SYNE1: variants seen among roughly 807,000 people sequenced by gnomAD.
SYNE1 encodes nesprin-1.
In SYNE1, 616 loss-of-function variants were observed where a neutral mutation model predicts 1,111.0. That is an observed-to-expected ratio of 0.55 (90% confidence interval 0.52 to 0.59). The LOEUF is 0.59. Ranked by LOEUF, SYNE1 falls within the 20% of genes least tolerant of loss-of-function variation. The pLI is 0.00. For synonymous variants in SYNE1, 3,855 were observed against 3,825.8 expected, an observed-to-expected ratio of 1.01 and a Z score of -0.28; for missense variants, 10,006 against 10,417.0, an observed-to-expected ratio of 0.96 and a Z score of 1.72.
intron 54 of SYNE1, among the ~76,000 whole-genome samples, chr6:152,386,719 T>C (rs1461261348): frequency 6.6e-6 from 1 of 152,144 alleles, no homozygotes; most frequent in East Asian, 1.9e-4. Context: ...TAGACTTGCA[T>C]TTAATATAAC....
chr6:152,255,713 C>T lies in SYNE1; in HGVS notation c.19138G>A (p.Glu6380Lys), dbSNP rs758159968. 6 of 1,614,066 alleles carry T rather than the reference C, an allele frequency of 3.7e-6. No individual in the cohort carries two copies. The highest frequency in any genetic ancestry group is 2.7e-5 in the African/African-American group (2 of 74,934). The change falls in exon 103 of 146, where the codon GAG becomes AAG. Residue 6380 changes from glutamate (E) to lysine (K), a missense_variant. Glu to Lys is a moderately conservative substitution (Grantham distance 56). Around this residue, in one of 7 missense-constraint regions of SYNE1, gnomAD observed 2,182 missense variants for 2,287.8 expected, o/e 0.95. Transcript: ENST00000367255. ...GAGACTCCATCATACAACTTCTGCT[C>T]CAAGTGTATACTCTGCCTCTTTGCC... ...GGAKRQSIHL[E>K]QKLYDGVSAT...
Position 152,354,695 on chromosome 6 carries a change from G to A in SYNE1, c.10890C>T (p.Asn3630=). 3 of 1,614,222 alleles carry A rather than the reference G, an allele frequency of 1.9e-6. No homozygotes were observed. Among genetic ancestry groups the A allele is most frequent in the Non-Finnish European group, 2.5e-6 (3 of 1,180,034 alleles). Reference sequence around the variant, plus strand: ...GTAATTGTATCTCCTTGGTTGCCCTGTTAGACTGACGTCTGGTCCTGGGAC... The same window carrying A: ...GTAATTGTATCTCCTTGGTTGCCCTATTAGACTGACGTCTGGTCCTGGGAC... ...KVSPRTRRQS[N]RATKEIQLHQ... is the part of the protein sequence containing the mutation. The change falls in exon 67 of 146, where the codon AAC becomes AAT. Residue 3630 remains asparagine, a synonymous_variant. Coordinates refer to ENST00000367255, the MANE Select transcript of SYNE1 (RefSeq NM_182961.4).
intron 136 of SYNE1, among the ~76,000 whole-genome samples, 148 bp downstream of exon 136, chr6:152,149,315 GCTTGCCGAAGGTGA>G (rs1359242431): frequency 2.0e-5 from 3 of 152,160 alleles, no homozygotes. Flanking sequence ...GAAGTGAGTA[GCTTGCCGAAGGTGA>G]CAGCGACAAT....
In SYNE1 at chr6:152,301,877, C is replaced by T. The variant is rs535699185; in HGVS notation, c.17533G>A (p.Val5845Met). The T allele has an allele frequency of 1.8e-4, 293 of 1,613,148 alleles. No homozygotes were observed. In the South Asian group the frequency reaches 3.1e-3, roughly 17 times the overall value. ...LLPTPSAHPS[V>M]VMMTAGRCHT... ...ACCCACTGGATCCTTACCATGACCACAGAGGGGTGGGCCGAAGGCGTGGGG... is the reference window on the plus strand; with the variant it reads ...ACCCACTGGATCCTTACCATGACCATAGAGGGGTGGGCCGAAGGCGTGGGG... The change falls in exon 92 of 146, where the codon GTG (valine) becomes ATG (methionine). Residue 5845 changes from valine (V) to methionine (M), a missense_variant. Around this residue, in one of 7 missense-constraint regions of SYNE1, gnomAD observed 4,955 missense variants for 5,017.2 expected, o/e 0.99. Coordinates refer to ENST00000367255, the MANE Select transcript of SYNE1 (RefSeq NM_182961.4).
chr6:152,399,516 G>T, intron 48 of SYNE1, 100 bp downstream of exon 48: 1 of 1,405,732 alleles, frequency 7.1e-7, no homozygotes, highest in Non-Finnish European at 1.0e-6. Flanking sequence ...TGACACCCTG[G>T]AAAGTTTCCT....
chr6:152,350,711 A>C lies in SYNE1; in HGVS notation c.11640T>G (p.Gly3880=). 1 of 1,613,800 alleles carries C rather than the reference A, an allele frequency of 6.2e-7. No homozygotes were observed. ...CCTGCACCAGTTCCAAAAGAGCTTC[A>C]CCCTTCTCTCTCACTGACTTTACTG... ...EPSVKSVREK[G]EALLELVQDV... Residue 3880 remains glycine (G), a synonymous_variant, in exon 71 of 146, where the codon GGT becomes GGG. Coordinates refer to ENST00000367255, the MANE Select transcript of SYNE1 (RefSeq NM_182961.4).
chr6:152,451,780 C>T (rs1426145130), intron 25 of SYNE1, among the ~76,000 whole-genome samples: 1 of 152,022 alleles, frequency 6.6e-6, no homozygotes, highest in Non-Finnish European at 1.5e-5. Flanking sequence ...TAAGTCTGGC[C>T]AGTGCTGCAC....
At chr6:152,343,547 A>G (rs4870096) in intron 74 of SYNE1, among the ~76,000 whole-genome samples, 87,896 of 148,672 alleles carry the variant, frequency 0.59, 25,863 homozygotes, top group East Asian at 0.64. Flanking sequence ...TTAATTTTTC[A>G]AGACAGAGTC....
intron 53 of SYNE1, 148 bp from the exon 54 acceptor site, chr6:152,387,529 A>G (rs971007981): frequency 1.3e-6 from 1 of 752,204 alleles, no homozygotes; most frequent in East Asian, 2.7e-5. Flanking sequence ...AGGGAGAAAC[A>G]CTACTTCTCT....
intron 124 of SYNE1, among the ~76,000 whole-genome samples, chr6:152,210,809 A>G (rs1174113936): frequency 1.3e-5 from 2 of 152,018 alleles, no homozygotes; most frequent in Non-Finnish European, 2.9e-5. Context: ...CATACCATAA[A>G]TCTGGGGAGA....
intron 4 of SYNE1, among the ~76,000 whole-genome samples, chr6:152,532,599 A>G (rs2099209438): frequency 6.6e-6 from 1 of 152,204 alleles, no homozygotes; most frequent in African/African-American, 2.4e-5. Flanking sequence ...ATGAAGAGTC[A>G]TGACCTGAGA....
At chr6:152,443,558 C>G (rs1332823133) in intron 30 of SYNE1, among the ~76,000 whole-genome samples, 1 of 152,188 alleles carries the variant, frequency 6.6e-6, no homozygotes, top group Admixed American at 6.5e-5. Flanking sequence ...GCCACCGTGC[C>G]CGGCCTATAC....
At chr6:152,591,493 A>G (rs1017298508) in intron 3 of SYNE1, among the ~76,000 whole-genome samples, 3 of 152,212 alleles carry the variant, frequency 2.0e-5, no homozygotes, top group African/African-American at 7.2e-5. Flanking sequence ...ACCTTTCACC[A>G]TATACAAAAA....
At chr6:152,230,251 C>T (rs1419977854) in intron 115 of SYNE1, among the ~76,000 whole-genome samples, 1 of 151,898 alleles carries the variant, frequency 6.6e-6, no homozygotes, top group Non-Finnish European at 1.5e-5. Flanking sequence ...GCCCAGGCTG[C>T]AAATCTTGAC....
chr6:152,456,724 T>C (rs1019703871), intron 22 of SYNE1: 5 of 450,586 alleles, frequency 1.1e-5, no homozygotes, highest in African/African-American at 8.0e-5. Context: ...GTAGACAGCA[T>C]GGAAATCATT....
intron 142 of SYNE1, 121 bp downstream of exon 142, chr6:152,134,983 A>T: frequency 7.4e-7 from 1 of 1,357,814 alleles, no homozygotes; most frequent in East Asian, 2.3e-5. Context: ...TGTAAAGTAG[A>T]GACTATAATG....
At chr6:152,492,368 A>T (rs1254155424) in intron 11 of SYNE1, among the ~76,000 whole-genome samples, 3 of 152,232 alleles carry the variant, frequency 2.0e-5, no homozygotes, top group African/African-American at 7.2e-5. Context: ...AGTTGCAATT[A>T]CTTGCCTCCA....
rs34808382 is a variant in SYNE1, at chr6:152,488,727, A to AT, written c.940-225dup. 4.8e-3 allele frequency among the ~76,000 whole-genome samples: 724 copies of AT among 149,804 alleles called. 4 individuals are homozygous for AT. Among genetic ancestry groups the AT allele is most frequent in the African/African-American group, 8.7e-3 (356 of 40,888 alleles). ...TTGAATAACGAAATTAACCAACTCC[A>AT]TTTTTTTTTTGCCAAGTAACGCTAA... On this transcript the variant is annotated intron_variant, in intron 11 of 145. Transcript: ENST00000367255.
intron 11 of SYNE1, among the ~76,000 whole-genome samples, chr6:152,495,376 A>G (rs2098993666): frequency 6.6e-6 from 1 of 152,052 alleles, no homozygotes; most frequent in African/African-American, 2.4e-5. Context: ...CTCCCGCTCT[A>G]CCCAGTTGTC....
Sources: gnomAD v4.1 joint callset for allele counts (sites outside exome capture counted in the v4.1 genomes callset) on GRCh38, gnomAD v4.1.1 for gene constraint, gnomAD v4.1.1 regional missense constraint, MANE v1.5 for transcripts, NCBI Gene and HGNC (gene_info 2026-07-23, HGNC 2026-07-21) for gene names.